CPLX2: variants seen among roughly 807,000 people sequenced by gnomAD.
CPLX2 encodes the protein complexin-2.
A neutral mutation model predicts 16.3 loss-of-function variants in CPLX2; 5 were observed. The ratio of observed to expected loss-of-function variants is 0.31; its 90% CI spans 0.16 to 0.64. The LOEUF is 0.64. CPLX2 is among the 30% of genes least tolerant of loss of function. The pLI is 0.79. For synonymous variants in CPLX2, 89 were observed against 73.2 expected, an observed-to-expected ratio of 1.22 and a Z score of -1.10; for missense variants, 144 against 181.4, an observed-to-expected ratio of 0.79 and a Z score of 1.18.
chr5:175,876,203 T>C (rs1318963262), intron 1 of CPLX2, among the ~76,000 whole-genome samples: 2 of 152,234 alleles, frequency 1.3e-5, no homozygotes, highest in African/African-American at 4.8e-5. Flanking sequence ...GCTTTGTCTG[T>C]CCTGTTTCCT....
intron 2 of CPLX2, among the ~76,000 whole-genome samples, chr5:175,833,715 C>T (rs370464318): frequency 6.6e-6 from 1 of 152,126 alleles, no homozygotes; most frequent in South Asian, 2.1e-4. Flanking sequence ...GGATGGGAGG[C>T]TGGAGAGGGA....
chr5:175,877,318 C>T (rs907838552), intron 1 of CPLX2, among the ~76,000 whole-genome samples: 1 of 151,664 alleles, frequency 6.6e-6, no homozygotes, highest in Non-Finnish European at 1.5e-5. Context: ...TCTTGGGCCC[C>T]ATATCATGAA....
chr5:175,844,944 T>G (rs1465793546), intron 2 of CPLX2, among the ~76,000 whole-genome samples: 1 of 152,204 alleles, frequency 6.6e-6, no homozygotes, highest in East Asian at 1.9e-4. Flanking sequence ...CTAGGGTGGA[T>G]GGAAGACACC....
rs374428734 is a variant in CPLX2, at chr5:175,879,972, A to G, written c.332A>G (p.Glu111Gly). Reference protein sequence around the residue: ...IPAGCGDEEEEEEESILDTVL... With the variant: ...IPAGCGDEEEGEEESILDTVL... ...GCGGGCTGCGGGGACGAGGAGGAGG[A>G]GGAAGAGGAGAGCATCCTGGACACG... Residue 111 changes from glutamate to glycine, a missense_variant, in exon 4 of 4, where the codon GAG becomes GGG. By Grantham distance (98) the Glu-to-Gly change is moderately conservative. Transcript: ENST00000393745. The G allele has an allele frequency of 1.7e-4, 277 of 1,614,018 alleles. No homozygotes were observed. Among genetic ancestry groups the G allele is most frequent in the Non-Finnish European group, 2.3e-4 (266 of 1,179,974 alleles).
intron 3 of CPLX2, chr5:175,879,620 T>A (rs993627899): frequency 4.5e-6 from 3 of 669,896 alleles, no homozygotes; most frequent in Non-Finnish European, 8.2e-6. Context: ...AGCAGGAAGT[T>A]CTGATGGGCA....
At chr5:175,799,239 A>G (rs930771003) in intron 1 of CPLX2, among the ~76,000 whole-genome samples, 19 of 152,152 alleles carry the variant, frequency 1.2e-4, no homozygotes, top group African/African-American at 3.6e-4. Context: ...GTGAGTTCCT[A>G]AGGCTAGAAA....
upstream of CPLX2, among the ~76,000 whole-genome samples, chr5:175,869,495 T>C (rs771431257): frequency 1.3e-5 from 2 of 152,206 alleles, no homozygotes; most frequent in Admixed American, 1.3e-4. Flanking sequence ...CTTTCCCCCA[T>C]TGCCCTAATT....
chr5:175,849,435 T>C lies in CPLX2; in HGVS notation c.-88-29217T>C, dbSNP rs1232568418. Reference sequence around the variant, plus strand: ...CAAGAAACATGGACCCCTCATCTCATACACAGGACCTCATGCATGCAGCCG... The same window carrying C: ...CAAGAAACATGGACCCCTCATCTCACACACAGGACCTCATGCATGCAGCCG... On this transcript the variant is annotated intron_variant, in intron 2 of 4. Coordinates refer to the CPLX2 transcript ENST00000359546. The surrounding 1 kb of genome is among the most constrained non-coding windows in gnomAD (Gnocchi z 4.4). Among the ~76,000 whole-genome samples the C allele has an allele frequency of 6.6e-6, 1 of 152,196 alleles. No individual in the cohort carries two copies. The highest frequency in any genetic ancestry group is 2.4e-5 in the African/African-American group (1 of 41,448).
Position 175,879,879 on chromosome 5 carries a change from C to A in CPLX2, c.239C>A (p.Ala80Glu), listed in dbSNP as rs1290386900. ...YGLKKKEEKE[A>E]EEKAALEQPC... is the part of the protein sequence containing the mutation. The stretch of plus-strand genomic sequence containing the variant: ...CTGAAGAAGAAGGAGGAGAAGGAAG[C>A]AGAGGAGAAAGCAGCCCTGGAGCAG... Residue 80 changes from alanine (A) to glutamate (E), a missense_variant, in exon 4 of 4, where the codon GCA (alanine) becomes GAA (glutamate). By Grantham distance (107) the Ala-to-Glu change is moderately radical. Transcript: ENST00000393745. 1 of 1,612,734 alleles carries A rather than the reference C, an allele frequency of 6.2e-7. No homozygotes were observed. The highest frequency in any genetic ancestry group is 8.5e-7 in the Non-Finnish European group (1 of 1,179,432).
chr5:175,819,044 C>T (rs117020023), intron 2 of CPLX2, among the ~76,000 whole-genome samples: 32 of 152,242 alleles, frequency 2.1e-4, no homozygotes, highest in African/African-American at 6.5e-4. Context: ...CCCTGCTCAG[C>T]GACGTTGGAG....
At chr5:175,869,669 CG>C (rs1186050192), upstream of CPLX2, among the ~76,000 whole-genome samples, 8 of 152,314 alleles carry the variant, frequency 5.3e-5, no homozygotes, top group African/African-American at 1.9e-4. Flanking sequence ...ATGCCCCCTC[CG>C]TGTTCTTTCT....
intron 2 of CPLX2, among the ~76,000 whole-genome samples, chr5:175,818,683 A>C (rs1758453239): frequency 1.6e-5 from 1 of 62,454 alleles, no homozygotes; most frequent in Non-Finnish European, 2.9e-5. Context: ...TTTTTTTGAG[A>C]CAGAGTCTTG....
intron 2 of CPLX2, among the ~76,000 whole-genome samples, chr5:175,851,625 G>C (rs1358442878): frequency 6.6e-6 from 1 of 152,234 alleles, no homozygotes; most frequent in Non-Finnish European, 1.5e-5. Flanking sequence ...CACACTCCAG[G>C]CCCTACTAGG....
intron 3 of CPLX2, chr5:175,879,598 G>A: frequency 1.6e-6 from 1 of 629,632 alleles, no homozygotes; most frequent in South Asian, 1.7e-5. Flanking sequence ...AGATCTTTGG[G>A]GGTTTCAACA....
intron 2 of CPLX2, among the ~76,000 whole-genome samples, chr5:175,858,925 T>C (rs1471560609): frequency 6.6e-6 from 1 of 152,106 alleles, no homozygotes; most frequent in African/African-American, 2.4e-5. Flanking sequence ...AGAAACAAGA[T>C]AGTCCGAAGG....
intron 2 of CPLX2, among the ~76,000 whole-genome samples, chr5:175,814,935 G>A (rs920102473): frequency 3.3e-5 from 5 of 152,160 alleles, no homozygotes; most frequent in East Asian, 1.9e-4. Flanking sequence ...AAAGCATGGC[G>A]GCTTGACAGG....
intron 2 of CPLX2, among the ~76,000 whole-genome samples, chr5:175,852,721 C>A (rs1333912593): frequency 2.0e-5 from 3 of 152,206 alleles, no homozygotes; most frequent in African/African-American, 7.2e-5. Flanking sequence ...AAGTCCTTTG[C>A]CTCCCTGGTA....
At chr5:175,834,015 A>G (rs1758779574) in intron 2 of CPLX2, among the ~76,000 whole-genome samples, 1 of 152,178 alleles carries the variant, frequency 6.6e-6, no homozygotes, top group Non-Finnish European at 1.5e-5. Context: ...CTGCTGTTTT[A>G]GCGCAAGATT....
rs762577872 is a variant in CPLX2, at chr5:175,839,347, G to A, written c.-89+30279G>A. ...GTCACCCAGGCTAGAGTACAGTGGC[G>A]TGATCTCGGCTCACTGCAACCTCCG... On this transcript the variant is annotated intron_variant, in intron 2 of 4. Transcript: ENST00000359546. Among the ~76,000 whole-genome samples, 62 of 152,072 alleles carry A rather than the reference G, an allele frequency of 4.1e-4. 1 individual carries two copies. The highest frequency in any genetic ancestry group is 2.1e-4 in the South Asian group (1 of 4,822).
Sources: gnomAD v4.1 joint callset for allele counts (sites outside exome capture counted in the v4.1 genomes callset) on GRCh38, gnomAD v4.1.1 for gene constraint, Gnocchi (gnomAD v3.1) non-coding constraint, MANE v1.5 for transcripts, NCBI Gene and HGNC (gene_info 2026-07-23, HGNC 2026-07-21) for gene names.